MTREX: variants seen among roughly 807,000 people sequenced by gnomAD.
MTREX encodes the protein exosome RNA helicase MTR4.
Under a neutral mutation model 135.4 loss-of-function variants are expected in MTREX, and 76 were observed. The ratio of observed to expected loss-of-function variants is 0.56; its 90% CI spans 0.47 to 0.68. The LOEUF (loss-of-function observed/expected upper bound fraction) is 0.68. MTREX is among the 30% of genes least tolerant of loss of function. The pLI is 0.00. For missense variants in MTREX, 920 were observed against 1,262.1 expected, an observed-to-expected ratio of 0.73 and a Z score of 4.11; for synonymous variants, 404 against 401.6, an observed-to-expected ratio of 1.01 and a Z score of -0.07.
Position 55,415,959 on chromosome 5 carries a change from T to TA in MTREX, c.2809-10dup. ...CATAAGTAAGGAATTTTAACTCTTT[T>TA]ATCTTTAAAGGAATGTGCTAAAAGA... is the stretch of plus-strand genomic sequence containing the variant. On this transcript the variant is annotated splice_polypyrimidine_tract_variant and intron_variant, in intron 24 of 26. Transcript: ENST00000230640. 6.4e-7 allele frequency: 1 copy of TA among 1,568,892 alleles called. No individual in the cohort carries two copies.
chr5:55,404,050 T>C (rs1238926523), intron 21 of MTREX, among the ~76,000 whole-genome samples: 1 of 152,230 alleles, frequency 6.6e-6, no homozygotes, highest in Non-Finnish European at 1.5e-5. Flanking sequence ...CCTTTTAGGA[T>C]TGCTATAAGA....
At chr5:55,308,214 T>A in intron 1 of MTREX, 67 bp downstream of exon 1, 3 of 1,497,738 alleles carry the variant, frequency 2.0e-6, no homozygotes, top group Non-Finnish European at 1.8e-6. Context: ...AACACTACTC[T>A]CTTAGGAAGA....
chr5:55,410,724 C>CTA (rs1302892203), intron 23 of MTREX, 95 bp downstream of exon 23: 10 of 607,834 alleles, frequency 1.6e-5, no homozygotes, highest in African/African-American at 5.7e-5. Context: ...CTAATATTTA[C>CTA]ATATTATAAG....
At chr5:55,361,847 C>T (rs1441027145) in intron 15 of MTREX, among the ~76,000 whole-genome samples, 1 of 152,076 alleles carries the variant, frequency 6.6e-6, no homozygotes, top group African/African-American at 2.4e-5. Flanking sequence ...CCTGTCGCAG[C>T]CTCCCAAGGT....
chr5:55,315,746 A>G (rs1163353907), intron 1 of MTREX, among the ~76,000 whole-genome samples: 2 of 151,968 alleles, frequency 1.3e-5, no homozygotes, highest in Non-Finnish European at 2.9e-5. Context: ...ATACTTATGT[A>G]TAATTGTACA....
chr5:55,320,219 CT>C lies in MTREX; in HGVS notation c.135-2092del, dbSNP rs375766049. ...ATTGTTTTACCCTTTATTAAAAAGT[CT>C]TTTTTTTTTTTTTTTGAGAGGGAGT... On this transcript the variant is annotated intron_variant, in intron 1 of 26. Coordinates refer to ENST00000230640, the MANE Select transcript of MTREX (RefSeq NM_015360.5). 4.7e-3 allele frequency among the ~76,000 whole-genome samples: 645 copies of C among 136,542 alleles called. 1 individual carries two copies. The highest frequency in any genetic ancestry group is 7.3e-3 in the Admixed American group (100 of 13,632). The allele number at this position is 136,542 out of a possible 152,430, so 89.6% of individuals were successfully genotyped here.
At chr5:55,347,807 G>A (rs1252463916) in intron 11 of MTREX, among the ~76,000 whole-genome samples, 4 of 152,202 alleles carry the variant, frequency 2.6e-5, no homozygotes, top group African/African-American at 9.7e-5. Context: ...TGGACTCACA[G>A]TTCCACGTGG....
chr5:55,351,057 C>T, intron 13 of MTREX, 28 bp downstream of exon 13: 1 of 1,567,364 alleles, frequency 6.4e-7, no homozygotes, highest in Non-Finnish European at 8.6e-7. Context: ...TTTTTTATGC[C>T]CCCATATCAT....
intron 4 of MTREX, 81 bp downstream of exon 4, chr5:55,327,859 TA>T: frequency 9.3e-7 from 1 of 1,076,728 alleles, no homozygotes; most frequent in Non-Finnish European, 1.4e-6. Context: ...ATGAGATTTT[TA>T]TATTTCCCAC....
chr5:55,367,862 G>A (rs139905665), intron 16 of MTREX, among the ~76,000 whole-genome samples: 178 of 152,272 alleles, frequency 1.2e-3, no homozygotes, highest in African/African-American at 4.0e-3. Context: ...AATATTGTGC[G>A]TAGTCATCGT....
At position 55,349,670 on chromosome 5, in the gene MTREX, G is replaced by A; in HGVS notation, c.1320+18G>A. Reference sequence around the variant, plus strand: ...TCCCTCAGGTGAGTTTTCAGTATCAGTAGATAAAAGTGTAGATAATAATAG... The same window carrying A: ...TCCCTCAGGTGAGTTTTCAGTATCAATAGATAAAAGTGTAGATAATAATAG... On this transcript the variant is annotated intron_variant, in intron 12 of 26. Transcript: ENST00000230640. 1 of 1,316,068 alleles carries A rather than the reference G, an allele frequency of 7.6e-7. No homozygotes were observed. The highest frequency in any genetic ancestry group is 1.1e-6 in the Non-Finnish European group (1 of 912,648). 81.5% of individuals were successfully genotyped at this position (1,316,068 alleles called of 1,614,324 possible). A position where few individuals can be genotyped will look rare whatever the true frequency, so the allele number is the denominator to read the frequency against.
At chr5:55,324,451 T>C (rs1314154138) in intron 3 of MTREX, 2 of 168,618 alleles carry the variant, frequency 1.2e-5, no homozygotes, top group African/African-American at 7.9e-5. Flanking sequence ...TTTTTTTTTT[T>C]TTTTTTTTTT....
At chr5:55,313,434 TGTCTC>T (rs1749148140) in intron 1 of MTREX, among the ~76,000 whole-genome samples, 2 of 152,008 alleles carry the variant, frequency 1.3e-5, no homozygotes, top group African/African-American at 4.8e-5. Flanking sequence ...GAAAGAGACA[TGTCTC>T]AAAAAAAAGA....
intron 1 of MTREX, among the ~76,000 whole-genome samples, chr5:55,311,215 C>CT (rs559987993): frequency 4.7e-5 from 7 of 149,186 alleles, no homozygotes; most frequent in South Asian, 2.1e-4. Context: ...ATTCCTACAT[C>CT]TTTTTTTTTT....
intron 19 of MTREX, among the ~76,000 whole-genome samples, chr5:55,389,351 C>G (rs1293788511): frequency 6.6e-6 from 1 of 152,208 alleles, no homozygotes; most frequent in Non-Finnish European, 1.5e-5. Flanking sequence ...TAAGTCATAG[C>G]ACTCTTACAC....
chr5:55,377,651 T>A (rs1386110698), intron 16 of MTREX, among the ~76,000 whole-genome samples: 1 of 152,218 alleles, frequency 6.6e-6, no homozygotes, highest in Non-Finnish European at 1.5e-5. Context: ...ATCCTGTTAA[T>A]ATGAGTTCCA....
At chr5:55,392,435 C>T (rs1044767994) in intron 19 of MTREX, among the ~76,000 whole-genome samples, 9 of 150,250 alleles carry the variant, frequency 6.0e-5, no homozygotes, top group East Asian at 2.0e-4. Flanking sequence ...TTCAGCTATT[C>T]GAGAGGCTGA....
chr5:55,395,459 A>AC (rs1750632505), intron 19 of MTREX, among the ~76,000 whole-genome samples: 3 of 152,164 alleles, frequency 2.0e-5, no homozygotes, highest in Admixed American at 2.0e-4. Flanking sequence ...CCATTAGGCA[A>AC]CTACCACAAA....
intron 19 of MTREX, among the ~76,000 whole-genome samples, chr5:55,396,844 G>C (rs230804): frequency 0.86 from 130,869 of 152,206 alleles, 56,650 homozygotes; most frequent in South Asian, 0.92. Context: ...GTTTATAGAG[G>C]CTCTCTGGAT....
Sources: gnomAD v4.1 joint callset for allele counts (sites outside exome capture counted in the v4.1 genomes callset) on GRCh38, gnomAD v4.1.1 for gene constraint, MANE v1.5 for transcripts, NCBI Gene and HGNC (gene_info 2026-07-23, HGNC 2026-07-21) for gene names.